Variants in DNAJB1 observed in about 807,000 individuals in gnomAD.
DNAJB1 encodes the protein dnaJ homolog subfamily B member 1.
Under a neutral mutation model 24.0 loss-of-function variants are expected in DNAJB1, and 14 were observed. The observed-to-expected ratio is 0.58, with a 90% CI of 0.39 to 0.91. The LOEUF (loss-of-function observed/expected upper bound fraction) is 0.91. DNAJB1 is among the 40% of genes least tolerant of loss of function. The pLI, the probability that DNAJB1 is intolerant of heterozygous loss-of-function variation, is 0.00. For missense variants in DNAJB1, 517 were observed against 458.1 expected (o/e 1.13, Z -1.17); for synonymous variants, 262 against 174.4 (o/e 1.50, Z -3.96).
At chr19:14,520,015 T>G (rs979404625), upstream of DNAJB1, among the ~76,000 whole-genome samples, 2 of 152,130 alleles carry the variant, frequency 1.3e-5, no homozygotes, top group Non-Finnish European at 2.9e-5. Flanking sequence ...TGGGCTTCAT[T>G]CCCAGCTCCA....
At chr19:14,533,441 C>A (rs2072749075), upstream of DNAJB1, among the ~76,000 whole-genome samples, 1 of 151,908 alleles carries the variant, frequency 6.6e-6, no homozygotes, top group East Asian at 1.9e-4. Flanking sequence ...AGAAAAAAAT[C>A]TATTTCTGCT....
upstream of DNAJB1, among the ~76,000 whole-genome samples, chr19:14,520,168 G>C (rs565931865): frequency 3.9e-4 from 60 of 152,342 alleles, 1 homozygote; most frequent in African/African-American, 1.2e-3. Context: ...CATTTGCAAA[G>C]TGCTCAGAGC....
At chr19:14,529,205 C>A (rs981568625) in intron 1 of DNAJB1, 1 of 246,528 alleles carries the variant, frequency 4.1e-6, no homozygotes, top group Non-Finnish European at 8.4e-6. Flanking sequence ...CCGGGGGCCG[C>A]CCACCTCAGA....
chr19:14,552,116 G>C (rs2073543707), upstream of DNAJB1, among the ~76,000 whole-genome samples: 1 of 150,196 alleles, frequency 6.7e-6, no homozygotes, highest in Non-Finnish European at 1.5e-5. Flanking sequence ...TGAGATTACA[G>C]GCATGAGCCA....
chr19:14,554,137 C>A (rs1005577682), upstream of DNAJB1, among the ~76,000 whole-genome samples: 43 of 152,172 alleles, frequency 2.8e-4, no homozygotes, highest in African/African-American at 1.0e-3. Flanking sequence ...GTCTTCTGGG[C>A]TCTGGGATTT....
intron 1 of DNAJB1, among the ~76,000 whole-genome samples, chr19:14,542,073 G>A (rs939218214): frequency 2.0e-5 from 3 of 151,998 alleles, no homozygotes; most frequent in Non-Finnish European, 4.4e-5. Flanking sequence ...GTGAGCCACT[G>A]CCCTGCCTCA....
rs1836607409 is a variant in DNAJB1 at position 14,515,305 on chromosome 19, A to G, written c.*635T>C. The G allele has an allele frequency of 6.5e-6, 1 of 152,764 alleles. No homozygotes were observed. The highest frequency in any genetic ancestry group is 1.5e-5 in the Non-Finnish European group (1 of 68,122). 9.5% of individuals were successfully genotyped at this position (152,764 alleles called of 1,614,324 possible). On this transcript the variant is annotated 3_prime_UTR_variant, in exon 3 of 3. Transcript: ENST00000254322. ...CTTGCTGAGGCCAGGCTCCCAGACC[A>G]TCAAGGGAGAGGTGGCTGCACTTGC...
chr19:14,549,211 C>CTTTTTTTTTTTTTTT (rs561284094), intron 1 of DNAJB1, among the ~76,000 whole-genome samples: 1 of 111,160 alleles, frequency 9.0e-6, no homozygotes, highest in Non-Finnish European at 1.8e-5. Flanking sequence ...TTTAATTGGA[C>CTTTTTTTTTTTTTTT]TTTTTTTTTT....
chr19:14,540,976 A>T (rs12975703), intron 1 of DNAJB1, among the ~76,000 whole-genome samples: 2 of 151,938 alleles, frequency 1.3e-5, no homozygotes, highest in Middle Eastern at 3.4e-3. Context: ...CTGGGACTAC[A>T]GGCCACACGC....
At chr19:14,520,883 C>T, upstream of DNAJB1, among the ~76,000 whole-genome samples, 1 of 151,842 alleles carries the variant, frequency 6.6e-6, no homozygotes. Flanking sequence ...GTCCCAGCTA[C>T]TCAGTGGACC....
chr19:14,518,690 C>T (rs1568382152), upstream of DNAJB1, among the ~76,000 whole-genome samples: 1 of 152,228 alleles, frequency 6.6e-6, no homozygotes, highest in African/African-American at 2.4e-5. Context: ...CTTTCCCTCT[C>T]TACGCGGCCC....
upstream of DNAJB1, among the ~76,000 whole-genome samples, chr19:14,519,166 G>C (rs1163754587): frequency 6.6e-6 from 1 of 152,148 alleles, no homozygotes; most frequent in African/African-American, 2.4e-5. Context: ...TCAGGAGTTC[G>C]AGACCAGCCT....
upstream of DNAJB1, chr19:14,518,495 C>CG (rs1599382502): frequency 6.7e-6 from 4 of 600,772 alleles, no homozygotes; most frequent in Non-Finnish European, 9.6e-6. Context: ...GCCCCCGCGG[C>CG]GCCGGCCAAT....
chr19:14,518,940 A>G (rs1177304839), upstream of DNAJB1, among the ~76,000 whole-genome samples: 1 of 152,232 alleles, frequency 6.6e-6, no homozygotes, highest in African/African-American at 2.4e-5. Flanking sequence ...TGGCAATAAG[A>G]GAACCTATCA....
At chr19:14,520,444 T>TA (rs1324581263), upstream of DNAJB1, among the ~76,000 whole-genome samples, 1 of 151,728 alleles carries the variant, frequency 6.6e-6, no homozygotes, top group Non-Finnish European at 1.5e-5. Context: ...AGCCTCCCCA[T>TA]AAAAAAGTTA....
chr19:14,531,417 A>G (rs1484251160), upstream of DNAJB1: 1 of 151,932 alleles, frequency 6.6e-6, no homozygotes, highest in Non-Finnish European at 1.5e-5. Flanking sequence ...AAATTTACCC[A>G]CAATCCTTTG....
At position 14,556,498 on chromosome 19, in the gene DNAJB1, A is replaced by G. The variant is rs8108913; in HGVS notation, c.-2165-2180T>C. Among the ~76,000 whole-genome samples, 157 of 151,976 alleles carry G rather than the reference A, an allele frequency of 1.0e-3. 1 individual carries two copies. Among genetic ancestry groups the G allele is most frequent in the African/African-American group, 3.6e-3 (149 of 41,472 alleles). ...ACAACTCTTGGTGACAAAACATGCT[A>G]TGGCTATCTGCCCCCACCCCCTGCT... On this transcript the variant is annotated intron_variant, in intron 1 of 5. Transcript: ENST00000679223.
At chr19:14,556,362 G>A (rs965187489) in intron 1 of DNAJB1, among the ~76,000 whole-genome samples, 2 of 151,620 alleles carry the variant, frequency 1.3e-5, no homozygotes, top group African/African-American at 4.8e-5. Flanking sequence ...GCAGTGAGCC[G>A]AGATCGCGCC....
intron 1 of DNAJB1, 170 bp downstream of exon 1, chr19:14,517,969 C>G (rs1388958203): frequency 1.3e-5 from 8 of 633,222 alleles, no homozygotes; most frequent in Admixed American, 4.3e-5. Context: ...CTCCTCCTCC[C>G]ACCGCGCGGC....
Sources: gnomAD v4.1 joint callset for allele counts (sites outside exome capture counted in the v4.1 genomes callset) on GRCh38, gnomAD v4.1.1 for gene constraint, MANE v1.5 for transcripts, NCBI Gene and HGNC (gene_info 2026-07-23, HGNC 2026-07-21) for gene names.